The following GULP1 variants were observed in gnomAD, a reference collection of about 807,000 sequenced individuals.
GULP1 encodes GULP PTB domain containing engulfment adaptor 1, also known as PTB domain-containing engulfment adapter protein 1.
GULP1 carries 19 observed loss-of-function variants against 40.9 expected under a neutral mutation model. The observed-to-expected ratio is 0.46, with a 90% CI of 0.32 to 0.68. The LOEUF is 0.68. Ranked by LOEUF, GULP1 falls within the 30% of genes least tolerant of loss-of-function variation. The probability of loss-of-function intolerance (pLI) is 0.03; values close to 1 mark genes in which losing one functional copy is unlikely to be tolerated. For missense variants in GULP1, 312 were observed against 362.2 expected, an observed-to-expected ratio of 0.86 and a Z score of 1.12; for synonymous variants, 119 against 117.6, an observed-to-expected ratio of 1.01 and a Z score of -0.08.
At chr2:188,420,398 T>G (rs2055233431) in intron 2 of GULP1, among the ~76,000 whole-genome samples, 1 of 152,214 alleles carries the variant, frequency 6.6e-6, no homozygotes, top group Non-Finnish European at 1.5e-5. Flanking sequence ...TTAGTTAAGT[T>G]TATTTCTAAG....
chr2:188,368,886 C>T (rs1243273573), intron 1 of GULP1, among the ~76,000 whole-genome samples: 3 of 127,448 alleles, frequency 2.4e-5, no homozygotes, highest in African/African-American at 2.9e-5. Context: ...TAGTATAATT[C>T]TTTGAGAGTG....
chr2:188,489,489 T>G (rs2153087741), intron 4 of GULP1, among the ~76,000 whole-genome samples: 1 of 152,188 alleles, frequency 6.6e-6, no homozygotes, highest in Non-Finnish European at 1.5e-5. Flanking sequence ...TTAAAAAACA[T>G]TTTATTAGAT....
In GULP1 at chr2:188,329,245, C is replaced by T. The variant is rs193248029; in HGVS notation, c.-172+37079C>T. Among the ~76,000 whole-genome samples, 10 of 151,974 alleles carry T rather than the reference C, an allele frequency of 6.6e-5. No homozygotes were observed. The East Asian group carries it at 1.6e-3, about 24-fold the overall frequency. Reference sequence around the variant, plus strand: ...ACCATGCCAATGGTTCTATATTTTACGTTCTGGTTTTATTACATCCCTCTT... The same window carrying T: ...ACCATGCCAATGGTTCTATATTTTATGTTCTGGTTTTATTACATCCCTCTT... On this transcript the variant is annotated intron_variant, in intron 1 of 11. Coordinates refer to ENST00000409830, the MANE Select transcript of GULP1 (RefSeq NM_016315.4).
chr2:188,360,888 T>G (rs913051698), intron 1 of GULP1, among the ~76,000 whole-genome samples: 1 of 152,106 alleles, frequency 6.6e-6, no homozygotes, highest in Non-Finnish European at 1.5e-5. Context: ...TTTTAATATA[T>G]AATAAATAGT....
chr2:188,364,548 C>G (rs1045367198), intron 1 of GULP1, among the ~76,000 whole-genome samples: 2 of 152,028 alleles, frequency 1.3e-5, no homozygotes, highest in Non-Finnish European at 2.9e-5. Context: ...ATCATTTTCT[C>G]TGTTCCTCTT....
rs968823559 is a variant in GULP1, at chr2:188,570,271, A to G, written c.609+151A>G. The stretch of plus-strand genomic sequence containing the variant: ...TGAAGGCTGCTAAGCAGTTTAATTT[A>G]AAACTTAAAATTACCTAGTCAGTTC... On this transcript the variant is annotated intron_variant, in intron 9 of 11. Transcript: ENST00000409830. 12 of 516,632 alleles carry G rather than the reference A, an allele frequency of 2.3e-5. No individual in the cohort carries two copies. In the Admixed American group the frequency reaches 3.8e-4, roughly 16 times the overall value. The allele number at this position is 516,632 out of a possible 1,614,324, so 32.0% of individuals were successfully genotyped here.
intron 2 of GULP1, among the ~76,000 whole-genome samples, chr2:188,439,092 A>G (rs1223307294): frequency 6.6e-6 from 1 of 152,114 alleles, no homozygotes; most frequent in East Asian, 1.9e-4. Flanking sequence ...TATTTCCAGG[A>G]GAGCATATTT....
intron 4 of GULP1, among the ~76,000 whole-genome samples, chr2:188,501,757 A>T (rs1297635319): frequency 6.6e-6 from 1 of 152,002 alleles, no homozygotes; most frequent in Non-Finnish European, 1.5e-5. Flanking sequence ...TCTTAGAAAA[A>T]GGATGCCCCT....
intron 4 of GULP1, among the ~76,000 whole-genome samples, chr2:188,502,811 C>A (rs758323437): frequency 1.3e-5 from 2 of 151,798 alleles, no homozygotes; most frequent in African/African-American, 4.8e-5. Flanking sequence ...TTATAAAGAA[C>A]AAAAATTTAT....
chr2:188,338,683 TA>T (rs368784658), intron 1 of GULP1, among the ~76,000 whole-genome samples: 40 of 152,310 alleles, frequency 2.6e-4, no homozygotes, highest in African/African-American at 8.7e-4. Flanking sequence ...AAGTCAGCTA[TA>T]TTGCATCTGA....
At chr2:188,293,764 A>G (rs1270445516) in intron 1 of GULP1, 1 of 152,228 alleles carries the variant, frequency 6.6e-6, no homozygotes, top group Non-Finnish European at 1.5e-5. Flanking sequence ...GTGTTTTCCA[A>G]GTTTTTACGA....
intron 1 of GULP1, among the ~76,000 whole-genome samples, chr2:188,326,199 T>C (rs2040737175): frequency 6.6e-6 from 1 of 152,114 alleles, no homozygotes; most frequent in Non-Finnish European, 1.5e-5. Flanking sequence ...TATTTTACAT[T>C]ATGCATATTA....
chr2:188,347,094 G>T (rs556500120), intron 1 of GULP1, among the ~76,000 whole-genome samples: 26 of 152,206 alleles, frequency 1.7e-4, no homozygotes, highest in African/African-American at 6.3e-4. Context: ...AGGAGGTATT[G>T]CTATTATTTT....
chr2:188,326,329 C>G (rs1156387737), intron 1 of GULP1, among the ~76,000 whole-genome samples: 1 of 151,966 alleles, frequency 6.6e-6, no homozygotes, highest in African/African-American at 2.4e-5. Flanking sequence ...TGATACTTTA[C>G]TATCTTTAAT....
intron 9 of GULP1, among the ~76,000 whole-genome samples, chr2:188,580,014 T>G (rs995333810): frequency 6.6e-6 from 1 of 152,226 alleles, no homozygotes; most frequent in African/African-American, 2.4e-5. Context: ...GCCTTATCAA[T>G]TAACAGTTTA....
At chr2:188,443,276 T>G (rs2058093058) in intron 2 of GULP1, among the ~76,000 whole-genome samples, 1 of 152,178 alleles carries the variant, frequency 6.6e-6, no homozygotes. Flanking sequence ...ATTGGACATG[T>G]GCTTCTAGTT....
intron 2 of GULP1, among the ~76,000 whole-genome samples, chr2:188,415,332 A>G (rs779136550): frequency 1.3e-5 from 2 of 152,150 alleles, no homozygotes; most frequent in African/African-American, 2.4e-5. Flanking sequence ...GATGAAATCT[A>G]TTCCATCTCA....
rs921140252 is a variant in GULP1 at position 188,488,204 on chromosome 2, A to G, written c.90+4712A>G. 3.3e-5 allele frequency among the ~76,000 whole-genome samples: 5 copies of G among 151,576 alleles called. No individual in the cohort carries two copies. The East Asian group carries it at 9.7e-4, about 30-fold the overall frequency. On this transcript the variant is annotated intron_variant, in intron 4 of 11. Transcript: ENST00000409830. ...CTCAAGAGTAAGCTCTATACCAACA[A>G]CTCCACTGATTCTACCAGAATTTTA...
intron 7 of GULP1, among the ~76,000 whole-genome samples, chr2:188,545,494 A>G (rs1228029875): frequency 2.0e-5 from 3 of 151,958 alleles, no homozygotes; most frequent in Non-Finnish European, 2.9e-5. Context: ...TACACCTCAC[A>G]TGAACTGGAA....
Sources: allele counts gnomAD v4.1 joint callset (sites outside exome capture counted in the v4.1 genomes callset), GRCh38; gene constraint gnomAD v4.1.1; transcripts MANE v1.5; gene names NCBI Gene and HGNC (gene_info 2026-07-23, HGNC 2026-07-21).